Variants in ATP2C1 observed in about 807,000 individuals in gnomAD.
The protein encoded by ATP2C1 is calcium-transporting ATPase type 2C member 1.
A neutral mutation model predicts 120.5 loss-of-function variants in ATP2C1; 31 were observed. That is an observed-to-expected ratio of 0.26 (90% confidence interval 0.19 to 0.35). The LOEUF (loss-of-function observed/expected upper bound fraction) is 0.35, where lower values mean the gene tolerates loss of function less well. ATP2C1 is among the 10% of genes least tolerant of loss of function. The pLI is 1.00. For synonymous variants in ATP2C1, 351 were observed against 358.7 expected (o/e 0.98, Z 0.24); for missense variants, 731 against 1,107.5 (o/e 0.66, Z 4.83).
intron 1 of ATP2C1, among the ~76,000 whole-genome samples, chr3:130,862,005 G>A (rs1015333720): frequency 9.9e-5 from 15 of 151,888 alleles, no homozygotes; most frequent in African/African-American, 2.2e-4. Context: ...ATGGAGTTTC[G>A]CTCTGTCGCC....
At chr3:130,977,512 T>C (rs1031262038) in intron 18 of ATP2C1, among the ~76,000 whole-genome samples, 4 of 152,152 alleles carry the variant, frequency 2.6e-5, no homozygotes, top group Non-Finnish European at 5.9e-5. Flanking sequence ...TAAAGTGGCA[T>C]GGATTTAGAG....
Position 130,967,338 on chromosome 3 carries a change from T to G in ATP2C1, c.1227T>G (p.Cys409Trp). 1.9e-6 allele frequency: 3 copies of G among 1,613,786 alleles called. No homozygotes were observed. The highest frequency in any genetic ancestry group is 2.5e-6 in the Non-Finnish European group (3 of 1,179,752). ...PAVSRIVEAG[C>W]VCNDAVIRNN... ...ATGTGTATTTTTCTTAGGCGGGCTG[T>G]GTGTGCAATGATGCTGTAATTAGAA... The change falls in exon 16 of 28, where the codon TGT becomes TGG. Residue 409 changes from cysteine to tryptophan, a missense_variant. This residue lies in a region of ATP2C1 where 571 missense variants were observed against 845.9 expected (regional missense o/e 0.67). Coordinates refer to ENST00000510168, the MANE Select transcript of ATP2C1 (RefSeq NM_001378687.1).
chr3:130,951,219 A>G (rs1204662659), intron 8 of ATP2C1, among the ~76,000 whole-genome samples: 2 of 152,284 alleles, frequency 1.3e-5, no homozygotes, highest in Admixed American at 6.5e-5. Context: ...AAGTGGTTAC[A>G]AAATTGGGGA....
chr3:130,918,444 C>T, intron 2 of ATP2C1: 1 of 869,440 alleles, frequency 1.2e-6, no homozygotes, highest in Non-Finnish European at 2.0e-6. Flanking sequence ...ACATCTGGAA[C>T]ACTTCTCAGC....
chr3:130,925,716 G>C (rs1304099231), intron 2 of ATP2C1, among the ~76,000 whole-genome samples: 1 of 152,082 alleles, frequency 6.6e-6, no homozygotes, highest in East Asian at 1.9e-4. Flanking sequence ...TGGCTACCAG[G>C]ATGGCTAGAG....
At chr3:130,880,830 C>G (rs1394689163) in intron 1 of ATP2C1, among the ~76,000 whole-genome samples, 2 of 152,148 alleles carry the variant, frequency 1.3e-5, no homozygotes, top group Non-Finnish European at 2.9e-5. Flanking sequence ...GGCTGTTTAT[C>G]TCACTCTCCA....
chr3:131,016,588 C>T (rs562382085), exon 27 of ATP2C1: 19 of 513,510 alleles, frequency 3.7e-5, no homozygotes, highest in Non-Finnish European at 6.2e-5. Flanking sequence ...AAGATCTTTT[C>T]CACTGGTCTA....
intron 20 of ATP2C1, among the ~76,000 whole-genome samples, chr3:130,991,760 C>G (rs1472664289): frequency 6.6e-6 from 1 of 152,056 alleles, no homozygotes; most frequent in East Asian, 1.9e-4. Context: ...CTTTGACCTG[C>G]AGTAGATGCA....
chr3:130,977,117 C>T (rs539564640), intron 18 of ATP2C1, among the ~76,000 whole-genome samples: 60 of 152,164 alleles, frequency 3.9e-4, no homozygotes, highest in Middle Eastern at 3.4e-3. Flanking sequence ...TTAAGGGGCA[C>T]TGCAGGGAGG....
At chr3:130,897,516 A>G (rs1228114895) in intron 2 of ATP2C1, among the ~76,000 whole-genome samples, 2 of 152,186 alleles carry the variant, frequency 1.3e-5, no homozygotes, top group Non-Finnish European at 2.9e-5. Context: ...CCCTAGTAAG[A>G]GTATCCTCCA....
downstream of ATP2C1, among the ~76,000 whole-genome samples, chr3:131,004,657 C>T (rs188406319): frequency 3.1e-3 from 465 of 152,326 alleles, no homozygotes; most frequent in Middle Eastern, 0.014. Context: ...TCATGGGATC[C>T]TCAAAGAAAT....
chr3:130,923,742 C>G (rs2059072464), intron 2 of ATP2C1, among the ~76,000 whole-genome samples: 1 of 151,504 alleles, frequency 6.6e-6, no homozygotes. Flanking sequence ...TGGCTCACGC[C>G]TGTAATCCCA....
chr3:131,014,208 T>G, intron 26 of ATP2C1: 5 of 1,614,108 alleles, frequency 3.1e-6, no homozygotes, highest in Non-Finnish European at 4.2e-6. Context: ...CTGCCTTTTT[T>G]TTTTTGAATT....
At chr3:131,013,096 G>T (rs1170463331) in intron 26 of ATP2C1, among the ~76,000 whole-genome samples, 1 of 152,132 alleles carries the variant, frequency 6.6e-6, no homozygotes, top group East Asian at 1.9e-4. Flanking sequence ...TTCAGATCTT[G>T]CCCAATGCAT....
At chr3:131,016,236 AG>A in exon 27 of ATP2C1, 1 of 1,614,152 alleles carries the variant, frequency 6.2e-7, no homozygotes, top group Non-Finnish European at 8.5e-7. Context: ...AGAAGATGTG[AG>A]CTGTGTCTAA....
At chr3:130,941,549 T>A in intron 7 of ATP2C1, 42 bp from the exon 8 acceptor site, 1 of 607,706 alleles carries the variant, frequency 1.6e-6, no homozygotes, top group Non-Finnish European at 2.4e-6. Context: ...GTTGCATGAA[T>A]TTTTTTTTTT....
At chr3:130,896,102 T>C (rs1323461413) in intron 2 of ATP2C1, among the ~76,000 whole-genome samples, 1 of 152,244 alleles carries the variant, frequency 6.6e-6, no homozygotes, top group African/African-American at 2.4e-5. Flanking sequence ...TTCATATACT[T>C]GTTTCTTGGT....
chr3:130,953,834 C>G lies in ATP2C1; in HGVS notation c.545C>G (p.Ser182Cys), dbSNP rs1254418567. Residue 182 changes from serine to cysteine, a missense_variant, in exon 9 of 28, where the codon TCC (serine) becomes TGC (cysteine). By Grantham distance (112) the Ser-to-Cys change is moderately radical (BLOSUM62 -1). This residue lies in a region of ATP2C1 where 571 missense variants were observed against 845.9 expected (regional missense o/e 0.67). Coordinates refer to ENST00000510168, the MANE Select transcript of ATP2C1 (RefSeq NM_001378687.1). ...ATGTTCCCTAAGGCTGTGGATCTTT[C>G]CATTGATGAGTCCAGCTTGACAGGT... ...DLRLFEAVDL[S>C]IDESSLTGET... 6.2e-7 allele frequency: 1 copy of G among 1,613,986 alleles called. No homozygotes were observed. Among genetic ancestry groups the G allele is most frequent in the Non-Finnish European group, 8.5e-7 (1 of 1,179,948 alleles).
At position 130,994,059 on chromosome 3, in the gene ATP2C1, C is replaced by T. The variant is rs1192701785; in HGVS notation, c.2018C>T (p.Ala673Val). Reference protein sequence around the residue: ...QTGTDVCKEAADMILVDDDFQ... With the variant: ...QTGTDVCKEAVDMILVDDDFQ... Reference sequence around the variant, plus strand: ...GGTACAGATGTTTGCAAAGAGGCAGCAGACATGATCCTAGTGGATGATGAT... The same window carrying T: ...GGTACAGATGTTTGCAAAGAGGCAGTAGACATGATCCTAGTGGATGATGAT... Residue 673 changes from alanine (A) to valine (V), a missense_variant, in exon 22 of 28, where the codon GCA becomes GTA. Coordinates refer to ENST00000510168, the MANE Select transcript of ATP2C1 (RefSeq NM_001378687.1). 1 of 1,613,978 alleles carries T rather than the reference C, an allele frequency of 6.2e-7. No individual in the cohort carries two copies. The highest frequency in any genetic ancestry group is 1.7e-5 in the Admixed American group (1 of 59,996).
Sources: allele counts gnomAD v4.1 joint callset (sites outside exome capture counted in the v4.1 genomes callset), GRCh38; gene constraint gnomAD v4.1.1; regional missense constraint gnomAD v4.1.1; transcripts MANE v1.5; gene names NCBI Gene and HGNC (gene_info 2026-07-23, HGNC 2026-07-21).